SNRPN: variants seen among roughly 807,000 people sequenced by gnomAD.
The protein encoded by SNRPN is small nuclear ribonucleoprotein-associated protein N.
Under a neutral mutation model 25.2 loss-of-function variants are expected in SNRPN, and 7 were observed. That is an observed-to-expected ratio of 0.28 (90% CI 0.16 to 0.52). The LOEUF is 0.52. Ranked by LOEUF, SNRPN falls within the 20% of genes least tolerant of loss-of-function variation. The probability of loss-of-function intolerance (pLI) is 0.96; values close to 1 mark genes in which losing one functional copy is unlikely to be tolerated. For synonymous variants in SNRPN, 124 were observed against 110.6 expected, an observed-to-expected ratio of 1.12 and a Z score of -0.76; for missense variants, 196 against 322.5, an observed-to-expected ratio of 0.61 and a Z score of 3.00.
At chr15:24,905,386 G>A (rs1005088003) in intron 2 of SNRPN, among the ~76,000 whole-genome samples, 1 of 151,348 alleles carries the variant, frequency 6.6e-6, no homozygotes, top group Admixed American at 6.6e-5. Context: ...GCGTGCGCCT[G>A]TAGTCTTAGC....
chr15:24,881,605 GAGAGAGAGAGAGAGA>G (rs1484251137), intron 1 of SNRPN, among the ~76,000 whole-genome samples: 3 of 59,626 alleles, frequency 5.0e-5, no homozygotes, highest in East Asian at 8.3e-4. Flanking sequence ...GAGAGAGAGA[GAGAGAGAGAGAGAGA>G]AAGTCACAGT....
At chr15:24,904,140 C>A (rs530033441) in intron 2 of SNRPN, among the ~76,000 whole-genome samples, 137 of 151,840 alleles carry the variant, frequency 9.0e-4, no homozygotes, top group African/African-American at 3.1e-3. Context: ...AAATATATTT[C>A]AAAACTGAAA....
chr15:24,863,995 T>A (rs1350326968), intron 1 of SNRPN, among the ~76,000 whole-genome samples: 5 of 147,452 alleles, frequency 3.4e-5, no homozygotes, highest in Non-Finnish European at 7.5e-5. Flanking sequence ...TTTTCTTTTT[T>A]AAATTTTATT....
chr15:24,939,835 G>A (rs1449415678), intron 3 of SNRPN, among the ~76,000 whole-genome samples: 1 of 150,430 alleles, frequency 6.6e-6, no homozygotes, highest in Non-Finnish European at 1.5e-5. Context: ...TATCGCTCAG[G>A]CTGGAGTACA....
At chr15:24,875,855 A>T (rs1595616863) in intron 1 of SNRPN, among the ~76,000 whole-genome samples, 1 of 152,186 alleles carries the variant, frequency 6.6e-6, no homozygotes, top group Admixed American at 6.5e-5. Context: ...GGTGTTCGAG[A>T]CCAGCCTGGC....
intron 2 of SNRPN, among the ~76,000 whole-genome samples, chr15:24,845,539 A>G (rs2052115370): frequency 6.6e-6 from 1 of 152,096 alleles, no homozygotes; most frequent in African/African-American, 2.4e-5. Flanking sequence ...CGGAAGTTGC[A>G]GTGAGCCGAG....
At chr15:24,837,757 C>T (rs539484408) in intron 2 of SNRPN, among the ~76,000 whole-genome samples, 2 of 151,284 alleles carry the variant, frequency 1.3e-5, no homozygotes, top group South Asian at 4.2e-4. Flanking sequence ...TGGAGTCTCA[C>T]TCTGTCGCCC....
upstream of SNRPN, among the ~76,000 whole-genome samples, chr15:24,952,744 A>T (rs746201215): frequency 6.6e-6 from 1 of 152,196 alleles, no homozygotes; most frequent in Non-Finnish European, 1.5e-5. Context: ...TTTAATTTTA[A>T]TAATACTTTA....
intron 2 of SNRPN, among the ~76,000 whole-genome samples, chr15:24,889,848 G>A (rs2057520324): frequency 6.6e-6 from 1 of 151,516 alleles, no homozygotes; most frequent in Admixed American, 6.6e-5. Context: ...TCAGGAGTTT[G>A]AAACCAGCCT....
At chr15:24,925,516 C>T (rs1056561059) in intron 3 of SNRPN, among the ~76,000 whole-genome samples, 3 of 152,136 alleles carry the variant, frequency 2.0e-5, no homozygotes, top group South Asian at 2.1e-4. Flanking sequence ...ACCCCAGTTC[C>T]TCTGCTCTCA....
intron 3 of SNRPN, among the ~76,000 whole-genome samples, chr15:24,973,182 C>G (rs2076651927): frequency 6.6e-6 from 1 of 152,190 alleles, no homozygotes. Flanking sequence ...AGCCACCACA[C>G]CCAGCCTCTT....
intron 1 of SNRPN, among the ~76,000 whole-genome samples, chr15:24,959,889 C>A (rs1356740591): frequency 6.6e-6 from 1 of 152,138 alleles, no homozygotes; most frequent in Admixed American, 6.6e-5. Context: ...ACTTAGCCCT[C>A]GTATATGCCA....
Position 24,976,544 on chromosome 15 carries a change from A to G in SNRPN, c.267+128A>G, listed in dbSNP as rs1162162682. The stretch of plus-strand genomic sequence containing the variant: ...GTCAAATAAAATGTGCCAGGCACTT[A>G]ATATCAATTGTTGGTTGCCTATGCT... On this transcript the variant is annotated intron_variant, in intron 6 of 9. Coordinates refer to ENST00000390687, the MANE Select transcript of SNRPN (RefSeq NM_003097.6). 4.9e-5 allele frequency: 36 copies of G among 732,770 alleles called. 1 individual carries two copies. In the East Asian group the frequency reaches 9.7e-4, roughly 20 times the overall value. 45.4% of individuals were successfully genotyped at this position (732,770 alleles called of 1,614,324 possible).
At chr15:24,860,562 G>A (rs996793325) in intron 1 of SNRPN, among the ~76,000 whole-genome samples, 4 of 152,080 alleles carry the variant, frequency 2.6e-5, no homozygotes, top group South Asian at 2.1e-4. Flanking sequence ...GTCATCAGTC[G>A]AAAATGCATT....
upstream of SNRPN, among the ~76,000 whole-genome samples, chr15:24,853,267 T>G (rs746127323): frequency 1.7e-4 from 26 of 152,368 alleles, no homozygotes; most frequent in Admixed American, 7.8e-4. Context: ...ATTTTTTGAT[T>G]CTGGAATCCC....
At chr15:24,889,519 A>G (rs1279702466) in intron 2 of SNRPN, among the ~76,000 whole-genome samples, 1 of 148,872 alleles carries the variant, frequency 6.7e-6, no homozygotes, top group Non-Finnish European at 1.5e-5. Context: ...GTTAGCCAGG[A>G]TGGTCTTGAT....
intron 2 of SNRPN, among the ~76,000 whole-genome samples, chr15:24,903,742 G>A (rs1043888535): frequency 6.6e-6 from 1 of 152,176 alleles, no homozygotes; most frequent in African/African-American, 2.4e-5. Context: ...GCTGGAAGAA[G>A]AAAGATCAGG....
chr15:24,906,988 T>G (rs4906694), intron 2 of SNRPN, among the ~76,000 whole-genome samples: 136,598 of 152,004 alleles, frequency 0.9, 61,620 homozygotes, highest in East Asian at 1. Context: ...GATGAAGCAG[T>G]TAGGGGCTTG....
At chr15:24,939,204 A>G (rs2061408336) in intron 3 of SNRPN, among the ~76,000 whole-genome samples, 1 of 152,066 alleles carries the variant, frequency 6.6e-6, no homozygotes, top group Non-Finnish European at 1.5e-5. Flanking sequence ...AACATTATAC[A>G]AGGTTTTCAA....
Sources: gnomAD v4.1 joint callset for allele counts (sites outside exome capture counted in the v4.1 genomes callset) on GRCh38, gnomAD v4.1.1 for gene constraint, MANE v1.5 for transcripts, NCBI Gene and HGNC (gene_info 2026-07-23, HGNC 2026-07-21) for gene names.